GRID1: variants seen among roughly 807,000 people sequenced by gnomAD.
GRID1 encodes glutamate receptor ionotropic, delta-1.
In GRID1, 28 loss-of-function variants were observed where a neutral mutation model predicts 98.0. That is an observed-to-expected ratio of 0.29 (90% CI 0.21 to 0.39). The LOEUF is 0.39. Ranked by LOEUF, GRID1 falls within the 10% of genes least tolerant of loss-of-function variation. The pLI, the probability that GRID1 is intolerant of heterozygous loss-of-function variation, is 1.00. For missense variants in GRID1, 1,111 were observed against 1,340.5 expected (o/e 0.83, Z 2.67); for synonymous variants, 553 against 538.5 (o/e 1.03, Z -0.37).
chr10:85,753,547 T>C (rs994113893), intron 8 of GRID1, among the ~76,000 whole-genome samples: 3 of 152,260 alleles, frequency 2.0e-5, no homozygotes, highest in Non-Finnish European at 2.9e-5. Flanking sequence ...TCTTGGTGAC[T>C]GTAACTCCAG....
chr10:86,015,275 A>G (rs976986440), intron 4 of GRID1, among the ~76,000 whole-genome samples: 7 of 152,262 alleles, frequency 4.6e-5, no homozygotes, highest in African/African-American at 1.7e-4. Context: ...TCAGCCAAAA[A>G]GGAATAATGT....
At chr10:86,241,147 A>G (rs554823426) in intron 2 of GRID1, among the ~76,000 whole-genome samples, 162 of 152,362 alleles carry the variant, frequency 1.1e-3, no homozygotes, top group Middle Eastern at 6.8e-3. Flanking sequence ...CACAAGATGC[A>G]CCAGCTCCCA....
chr10:85,618,513 ATC>A (rs1842818886), intron 14 of GRID1, among the ~76,000 whole-genome samples: 1 of 152,130 alleles, frequency 6.6e-6, no homozygotes, highest in South Asian at 2.1e-4. Context: ...CCCTCTTGTC[ATC>A]TCTCTCTGCT....
At chr10:86,281,865 T>G (rs1035630259) in intron 2 of GRID1, among the ~76,000 whole-genome samples, 64 of 152,200 alleles carry the variant, frequency 4.2e-4, no homozygotes, top group African/African-American at 1.5e-3. Flanking sequence ...GAAGGACTCC[T>G]TCCTCCAGCC....
At chr10:85,833,195 C>A (rs1590254904) in intron 8 of GRID1, among the ~76,000 whole-genome samples, 1 of 152,162 alleles carries the variant, frequency 6.6e-6, no homozygotes. Context: ...GATCCTGCCA[C>A]AAGCAGTCCC....
Position 85,845,125 on chromosome 10 carries a change from C to A in GRID1, c.1233+9371G>T, listed in dbSNP as rs996984289. ...ACAGGAGAAAGAAATAAAAAAAAAA[C>A]AATTAGAAATGCAAATATAGAAGTT... is the stretch of plus-strand genomic sequence containing the variant. On this transcript the variant is annotated intron_variant, in intron 8 of 15. Transcript: ENST00000327946. Among the ~76,000 whole-genome samples, 6 of 150,524 alleles carry A rather than the reference C, an allele frequency of 4.0e-5. 1 individual carries two copies. The highest frequency in any genetic ancestry group is 3.9e-4 in the East Asian group (2 of 5,160).
intron 2 of GRID1, among the ~76,000 whole-genome samples, chr10:86,260,976 C>T (rs1847008350): frequency 6.6e-6 from 1 of 152,228 alleles, no homozygotes. Context: ...TTCTCCTAGC[C>T]TCCTAAACAC....
At chr10:86,132,523 T>C (rs1363286102) in intron 4 of GRID1, among the ~76,000 whole-genome samples, 1 of 152,238 alleles carries the variant, frequency 6.6e-6, no homozygotes, top group African/African-American at 2.4e-5. Flanking sequence ...CAGGGCCATA[T>C]TCAAAAATTA....
intron 2 of GRID1, among the ~76,000 whole-genome samples, chr10:86,307,978 T>C (rs918427024): frequency 1.3e-5 from 2 of 152,314 alleles, no homozygotes; most frequent in Admixed American, 1.3e-4. Flanking sequence ...ACAGGCACCA[T>C]GCTGTGCAGG....
intron 4 of GRID1, among the ~76,000 whole-genome samples, chr10:85,999,619 C>G (rs1589330871): frequency 6.6e-6 from 1 of 152,086 alleles, no homozygotes; most frequent in East Asian, 1.9e-4. Context: ...ATTAATATGT[C>G]ATGGCCATGT....
At chr10:86,358,896 G>A (rs1323438265) in intron 2 of GRID1, among the ~76,000 whole-genome samples, 1 of 151,978 alleles carries the variant, frequency 6.6e-6, no homozygotes, top group Non-Finnish European at 1.5e-5. Flanking sequence ...AGGTCAGCAT[G>A]AGAGGATGTG....
At chr10:85,800,271 T>A (rs1158591203) in intron 8 of GRID1, among the ~76,000 whole-genome samples, 1 of 152,010 alleles carries the variant, frequency 6.6e-6, no homozygotes, top group Non-Finnish European at 1.5e-5. Context: ...CACAATTTAA[T>A]GAGCATATAG....
At position 86,012,139 on chromosome 10, in the gene GRID1, A is replaced by ATAAATAAT. The variant is rs143893118; in HGVS notation, c.727-95901_727-95900insATTATTTA. ...TCTGCCTCAAAAAATAAATAAATAA[A>ATAAATAAT]TAAAGTAGATGTACCTCACCCTACT... On this transcript the variant is annotated intron_variant, in intron 4 of 15. Coordinates refer to ENST00000327946, the MANE Select transcript of GRID1 (RefSeq NM_017551.3). 9.2e-3 allele frequency among the ~76,000 whole-genome samples: 1,403 copies of ATAAATAAT among 152,310 alleles called. 30 individuals are homozygous for ATAAATAAT. The highest frequency in any genetic ancestry group is 0.032 in the African/African-American group (1,337 of 41,562).
rs80181728 is a variant in GRID1, at chr10:86,135,555, A to G, written c.726+3264T>C. ...ACTAAGATGGTGCTGAGGAGGCCTCAGAGGATGAATGTGGAATAAAGACTG... is the reference window on the plus strand; with the variant it reads ...ACTAAGATGGTGCTGAGGAGGCCTCGGAGGATGAATGTGGAATAAAGACTG... On this transcript the variant is annotated intron_variant, in intron 4 of 15. Coordinates refer to ENST00000327946, the MANE Select transcript of GRID1 (RefSeq NM_017551.3). Among the ~76,000 whole-genome samples, 908 of 151,558 alleles carry G rather than the reference A, an allele frequency of 6.0e-3. 19 individuals are homozygous for G. The highest frequency in any genetic ancestry group is 0.021 in the African/African-American group (864 of 41,330).
At chr10:85,662,620 C>T (rs1289734598) in intron 12 of GRID1, among the ~76,000 whole-genome samples, 1 of 152,220 alleles carries the variant, frequency 6.6e-6, no homozygotes, top group Non-Finnish European at 1.5e-5. Context: ...GCTCCTCTCC[C>T]AGGGAAGAAG....
chr10:86,048,243 T>A (rs1249750562), intron 4 of GRID1, among the ~76,000 whole-genome samples: 1 of 152,168 alleles, frequency 6.6e-6, no homozygotes, highest in Non-Finnish European at 1.5e-5. Flanking sequence ...ATATTTTTTT[T>A]AATAGAGAAT....
intron 4 of GRID1, among the ~76,000 whole-genome samples, chr10:86,053,370 T>TC (rs1188533500): frequency 1.3e-5 from 2 of 151,874 alleles, no homozygotes; most frequent in East Asian, 3.9e-4. Context: ...TTTTTTGTTT[T>TC]TTTTTGAGAT....
intron 8 of GRID1, among the ~76,000 whole-genome samples, chr10:85,812,312 C>T (rs1380757617): frequency 6.8e-6 from 1 of 147,840 alleles, no homozygotes; most frequent in Non-Finnish European, 1.5e-5. Context: ...AAAATCAAAC[C>T]TTACTATGAC....
intron 8 of GRID1, among the ~76,000 whole-genome samples, chr10:85,831,796 C>T (rs542071045): frequency 1.1e-4 from 17 of 151,814 alleles, no homozygotes; most frequent in East Asian, 3.9e-4. Flanking sequence ...TCAAAATATA[C>T]GGAATTCAGC....
Sources: allele counts gnomAD v4.1 joint callset (sites outside exome capture counted in the v4.1 genomes callset), GRCh38; gene constraint gnomAD v4.1.1; transcripts MANE v1.5; gene names NCBI Gene and HGNC (gene_info 2026-07-23, HGNC 2026-07-21).